Variants in PTPRN2 observed in about 807,000 individuals in gnomAD.
The protein encoded by PTPRN2 is protein tyrosine phosphatase receptor type N2, also known as receptor-type tyrosine-protein phosphatase N2.
A neutral mutation model predicts 118.8 loss-of-function variants in PTPRN2; 74 were observed. That is an observed-to-expected ratio of 0.62 (90% CI 0.52 to 0.76). The LOEUF is 0.76. PTPRN2 is among the 30% of genes least tolerant of loss of function. The probability of loss-of-function intolerance (pLI) is 0.00; values close to 1 mark genes in which losing one functional copy is unlikely to be tolerated. For missense variants in PTPRN2, 1,481 were observed against 1,394.4 expected, an observed-to-expected ratio of 1.06 and a Z score of -0.99; for synonymous variants, 641 against 608.0, an observed-to-expected ratio of 1.05 and a Z score of -0.80.
rs552357731 is a variant in PTPRN2 at position 158,000,438 on chromosome 7, C to T, written c.1723+80860G>A. 6.3e-4 allele frequency among the ~76,000 whole-genome samples: 96 copies of T among 152,108 alleles called. 1 individual carries two copies. Among genetic ancestry groups the T allele is most frequent in the African/African-American group, 2.2e-3 (90 of 41,500 alleles). The stretch of plus-strand genomic sequence containing the variant: ...CAACACGTGAAAGCCGTGGAGAGGC[C>T]GGGATGAAAGCACCTGGTCACCACT... On this transcript the variant is annotated intron_variant, in intron 11 of 22. Transcript: ENST00000389418.
chr7:158,174,537 C>T (rs192126512), intron 5 of PTPRN2, among the ~76,000 whole-genome samples: 1 of 152,188 alleles, frequency 6.6e-6, no homozygotes, highest in Admixed American at 6.5e-5. Flanking sequence ...CAGCAGCATC[C>T]ACACCATCAG....
chr7:158,068,868 G>A (rs1810989665), intron 11 of PTPRN2, among the ~76,000 whole-genome samples: 1 of 152,330 alleles, frequency 6.6e-6, no homozygotes. Context: ...AAGACAAGGT[G>A]TTGATAGAGT....
At chr7:157,915,411 G>A (rs986491649) in intron 11 of PTPRN2, among the ~76,000 whole-genome samples, 11 of 152,010 alleles carry the variant, frequency 7.2e-5, no homozygotes, top group African/African-American at 2.7e-4. Flanking sequence ...GCTTGGCTGT[G>A]GTTAATGTCC....
chr7:158,018,508 T>G (rs549251344), intron 11 of PTPRN2, among the ~76,000 whole-genome samples: 2 of 152,342 alleles, frequency 1.3e-5, no homozygotes, highest in South Asian at 2.1e-4. Flanking sequence ...TGACGTGCAC[T>G]TAACTTTGAA....
At chr7:157,840,580 A>G (rs1808349180) in intron 12 of PTPRN2, among the ~76,000 whole-genome samples, 2 of 152,184 alleles carry the variant, frequency 1.3e-5, no homozygotes, top group African/African-American at 4.8e-5. Context: ...GCTGCAGACA[A>G]CATCCGAGCC....
intron 12 of PTPRN2, among the ~76,000 whole-genome samples, chr7:157,728,586 TCTTAA>T (rs1306190058): frequency 3.9e-5 from 6 of 152,190 alleles, no homozygotes; most frequent in Non-Finnish European, 4.4e-5. Flanking sequence ...GGGATTACAC[TCTTAA>T]CTTATCCACA....
In PTPRN2 at chr7:157,881,696, G is replaced by C. The variant is rs1293148316; in HGVS notation, c.1788+16977C>G. On this transcript the variant is annotated intron_variant, in intron 12 of 22. Transcript: ENST00000389418. This position sits in a 1 kb window ranked among gnomAD's most constrained non-coding sequence, Gnocchi z 4.7. ...CGTTAAGTCCAAGTGCTTGTCAACAGAAGAAAGTTACTTCTTAAGAATGTT... is the reference window on the plus strand; with the variant it reads ...CGTTAAGTCCAAGTGCTTGTCAACACAAGAAAGTTACTTCTTAAGAATGTT... 6.6e-6 allele frequency among the ~76,000 whole-genome samples: 1 copy of C among 151,690 alleles called. No homozygotes were observed. Among genetic ancestry groups the C allele is most frequent in the Non-Finnish European group, 1.5e-5 (1 of 68,002 alleles).
At chr7:157,968,324 C>T (rs557102206) in intron 11 of PTPRN2, among the ~76,000 whole-genome samples, 1 of 152,224 alleles carries the variant, frequency 6.6e-6, no homozygotes, top group Non-Finnish European at 1.5e-5. Context: ...ATTCCACTCA[C>T]TGCATTTCAG....
intron 5 of PTPRN2, among the ~76,000 whole-genome samples, chr7:158,184,406 A>G (rs1251572568): frequency 6.6e-6 from 1 of 152,230 alleles, no homozygotes; most frequent in Non-Finnish European, 1.5e-5. Context: ...TGTTGCTAGT[A>G]TACAGAAATA....
intron 3 of PTPRN2, among the ~76,000 whole-genome samples, chr7:158,302,574 C>A (rs1173375918): frequency 6.6e-6 from 1 of 152,250 alleles, no homozygotes; most frequent in Non-Finnish European, 1.5e-5. Context: ...TTGGTCCCAG[C>A]ACATTCAACC....
chr7:158,454,793 C>T (rs1327040747), intron 2 of PTPRN2, among the ~76,000 whole-genome samples: 4 of 152,176 alleles, frequency 2.6e-5, no homozygotes, highest in South Asian at 2.1e-4. Context: ...ATTGCAATGA[C>T]GAGAGAGCCT....
intron 12 of PTPRN2, among the ~76,000 whole-genome samples, chr7:157,754,687 C>T (rs781442525): frequency 1.3e-5 from 2 of 152,216 alleles, no homozygotes; most frequent in Non-Finnish European, 2.9e-5. Context: ...CTGAAGTTCA[C>T]GGGGTGCCCC....
At chr7:158,396,570 T>G (rs1022349548) in intron 2 of PTPRN2, among the ~76,000 whole-genome samples, 1 of 152,094 alleles carries the variant, frequency 6.6e-6, no homozygotes, top group Admixed American at 6.5e-5. Context: ...CTCAGGGGGA[T>G]GGACAAGCAG....
chr7:157,826,488 G>A (rs1226863764), intron 12 of PTPRN2, among the ~76,000 whole-genome samples: 44 of 57,500 alleles, frequency 7.7e-4, no homozygotes, highest in African/African-American at 3.2e-3. Context: ...ATTTCCACGC[G>A]TGCTGTGCAA....
In PTPRN2 at chr7:157,552,368, G is replaced by T. The variant is rs935148357; in HGVS notation, c.2903-3349C>A. 2.0e-5 allele frequency among the ~76,000 whole-genome samples: 3 copies of T among 152,126 alleles called. No homozygotes were observed. In the East Asian group the frequency reaches 5.8e-4, roughly 29 times the overall value. ...AGAAGGGAAGTCATCGTGCAAAGCG[G>T]CTGGCCGTGTGAATAATAGCTCAGA... On this transcript the variant is annotated intron_variant, in intron 21 of 22. Transcript: ENST00000389418.
At chr7:158,501,372 G>A (rs928731687) in intron 1 of PTPRN2, among the ~76,000 whole-genome samples, 4 of 152,332 alleles carry the variant, frequency 2.6e-5, no homozygotes, top group African/African-American at 9.6e-5. Flanking sequence ...CAGATGGAGC[G>A]CCCCAGTTCA....
At chr7:158,019,502 G>A (rs1451641747) in intron 11 of PTPRN2, among the ~76,000 whole-genome samples, 1 of 152,160 alleles carries the variant, frequency 6.6e-6, no homozygotes, top group Non-Finnish European at 1.5e-5. Context: ...TGCCCACAAG[G>A]CCTCGTGATT....
At chr7:157,579,726 AACTT>A in intron 17 of PTPRN2, among the ~76,000 whole-genome samples, 1 of 152,342 alleles carries the variant, frequency 6.6e-6, no homozygotes, top group South Asian at 2.1e-4. Flanking sequence ...ATCCAAATGA[AACTT>A]AATTTAAACA....
intron 22 of PTPRN2, among the ~76,000 whole-genome samples, chr7:157,545,103 G>T (rs1798227639): frequency 6.7e-6 from 1 of 148,626 alleles, no homozygotes; most frequent in African/African-American, 2.5e-5. Flanking sequence ...CCCGTGGGTG[G>T]GTGTGTAGGT....
Sources: gnomAD v4.1 joint callset for allele counts (sites outside exome capture counted in the v4.1 genomes callset) on GRCh38, gnomAD v4.1.1 for gene constraint, Gnocchi (gnomAD v3.1) non-coding constraint, MANE v1.5 for transcripts, NCBI Gene and HGNC (gene_info 2026-07-23, HGNC 2026-07-21) for gene names.